DAB1: variants seen among roughly 807,000 people sequenced by gnomAD.
The protein encoded by DAB1 is DAB adaptor protein 1, also known as disabled homolog 1.
In DAB1, 15 loss-of-function variants were observed where a neutral mutation model predicts 64.6. That is an observed-to-expected ratio of 0.23 (90% CI 0.16 to 0.36). DAB1 has a LOEUF of 0.36. Ranked by LOEUF, DAB1 falls within the 10% of genes least tolerant of loss-of-function variation. The pLI, the probability that DAB1 is intolerant of heterozygous loss-of-function variation, is 1.00. For missense variants in DAB1, 596 were observed against 706.7 expected, an observed-to-expected ratio of 0.84 and a Z score of 1.78; for synonymous variants, 235 against 251.9, an observed-to-expected ratio of 0.93 and a Z score of 0.64.
intron 6 of DAB1, among the ~76,000 whole-genome samples, chr1:57,702,501 T>C (rs1646918572): frequency 6.6e-6 from 1 of 152,166 alleles, no homozygotes; most frequent in Admixed American, 6.5e-5. Context: ...TAATTTCCTC[T>C]AATACTTTCC....
chr1:57,253,485 A>G (rs1168044675), intron 2 of DAB1, among the ~76,000 whole-genome samples: 2 of 152,190 alleles, frequency 1.3e-5, no homozygotes, highest in Non-Finnish European at 2.9e-5. Flanking sequence ...CAAGGGCCCA[A>G]ATCACACAGT....
chr1:58,212,291 A>G (rs570024183), intron 4 of DAB1, among the ~76,000 whole-genome samples: 4 of 152,334 alleles, frequency 2.6e-5, no homozygotes, highest in African/African-American at 9.6e-5. Context: ...TTTATTGCTC[A>G]TTTAATCCAA....
rs879915074 is a variant in DAB1 at position 57,864,019 on chromosome 1, C to T, written n.87+19980G>A. Among the ~76,000 whole-genome samples the T allele has an allele frequency of 3.9e-5, 6 of 152,244 alleles. No individual in the cohort carries two copies. In the East Asian group the frequency reaches 9.7e-4, roughly 25 times the overall value. On this transcript the variant is annotated intron_variant and non_coding_transcript_variant, in intron 1 of 1. Transcript: ENST00000477280. ...CCCATTCTAGTGGAATGAGATAGGA[C>T]ATTAATACATACATGAAAACTCTAT...
intron 10 of DAB1, among the ~76,000 whole-genome samples, chr1:57,024,694 G>A (rs564361890): frequency 2.0e-5 from 3 of 152,304 alleles, no homozygotes; most frequent in East Asian, 1.9e-4. Context: ...GACCTTGGGT[G>A]AGTCACATGT....
intron 4 of DAB1, among the ~76,000 whole-genome samples, chr1:58,159,183 T>C (rs1374661565): frequency 6.6e-6 from 1 of 152,164 alleles, no homozygotes; most frequent in Admixed American, 6.6e-5. Context: ...GCCTTATTTA[T>C]GAAAGGAAAA....
At chr1:57,760,541 TC>T (rs1439873582) in intron 6 of DAB1, among the ~76,000 whole-genome samples, 3 of 151,720 alleles carry the variant, frequency 2.0e-5, no homozygotes, top group Non-Finnish European at 2.9e-5. Flanking sequence ...TCCTCTTTTC[TC>T]CCTGCCCTCT....
intron 7 of DAB1, among the ~76,000 whole-genome samples, chr1:57,433,863 A>C (rs1024090639): frequency 6.6e-6 from 1 of 151,764 alleles, no homozygotes; most frequent in Non-Finnish European, 1.5e-5. Context: ...AAAAAAAAAA[A>C]ACAAAAAAAC....
chr1:57,418,987 AT>A (rs1449018854), intron 1 of DAB1, among the ~76,000 whole-genome samples: 4 of 152,100 alleles, frequency 2.6e-5, no homozygotes, highest in Non-Finnish European at 5.9e-5. Context: ...AGTTGTTTTC[AT>A]TTTTTTACAT....
rs1491073377 is a variant in DAB1, at chr1:58,148,784, C to CCA, written n.387+1725_387+1726dup. On this transcript the variant is annotated intron_variant and non_coding_transcript_variant, in intron 5 of 20. Coordinates refer to the DAB1 transcript ENST00000485760. ...GCAGCACAGAAATCACACCCCCCCC[C>CCA]CAACCTCATGATTCAATTACTTCCC... 1.6e-3 allele frequency among the ~76,000 whole-genome samples: 238 copies of CCA among 152,130 alleles called. 1 individual carries two copies. The highest frequency in any genetic ancestry group is 3.7e-3 in the African/African-American group (155 of 41,500).
intron 2 of DAB1, among the ~76,000 whole-genome samples, chr1:57,169,989 T>C (rs1034674014): frequency 7.0e-6 from 1 of 143,408 alleles, no homozygotes; most frequent in Non-Finnish European, 1.5e-5. Context: ...TTTCTTTTTC[T>C]TTCTTTCTTT....
rs1005422179 is a variant in DAB1 at position 57,156,738 on chromosome 1, T to G, written c.68-11309A>C. Among the ~76,000 whole-genome samples the G allele has an allele frequency of 2.0e-5, 3 of 152,224 alleles. No homozygotes were observed. The East Asian group carries it at 5.8e-4, about 29-fold the overall frequency. ...TTAATATTGGCTTTGCTTTATGCCATTAGAGAAGAGCATTTCTCAACCTCA... is the reference window on the plus strand; with the variant it reads ...TTAATATTGGCTTTGCTTTATGCCAGTAGAGAAGAGCATTTCTCAACCTCA... On this transcript the variant is annotated intron_variant, in intron 2 of 14. Coordinates refer to ENST00000371236, the MANE Select transcript of DAB1 (RefSeq NM_001365792.1).
intron 7 of DAB1, among the ~76,000 whole-genome samples, chr1:57,582,108 C>CTCAATGACCTCA (rs1553196834): frequency 6.6e-6 from 1 of 152,148 alleles, no homozygotes; most frequent in African/African-American, 2.4e-5. Flanking sequence ...GGACTCTACC[C>CTCAATGACCTCA]TCAATGACCT....
intron 2 of DAB1, among the ~76,000 whole-genome samples, chr1:57,218,501 G>A (rs1666595167): frequency 1.7e-5 from 2 of 118,234 alleles, no homozygotes; most frequent in Non-Finnish European, 3.2e-5. Context: ...GCAACATAGT[G>A]AGACCCCCAT....
chr1:58,376,051 T>C (rs201779927), intron 3 of DAB1, among the ~76,000 whole-genome samples: 6 of 151,692 alleles, frequency 4.0e-5, no homozygotes, highest in South Asian at 2.1e-4. Context: ...TTTTTTATTG[T>C]GTCTATTTGA....
intron 2 of DAB1, among the ~76,000 whole-genome samples, chr1:57,231,336 T>C (rs1277861557): frequency 6.6e-6 from 1 of 152,206 alleles, no homozygotes; most frequent in Non-Finnish European, 1.5e-5. Flanking sequence ...ATATTTCTAA[T>C]ACAGATATAA....
chr1:58,294,265 G>C (rs916063778), intron 4 of DAB1, among the ~76,000 whole-genome samples: 2 of 152,052 alleles, frequency 1.3e-5, no homozygotes, highest in African/African-American at 2.4e-5. Context: ...GAGGGAATTT[G>C]AATTTTTGGA....
intron 6 of DAB1, among the ~76,000 whole-genome samples, chr1:57,749,079 G>A (rs1648427812): frequency 6.6e-6 from 1 of 152,144 alleles, no homozygotes; most frequent in African/African-American, 2.4e-5. Context: ...GTCTTGTTAT[G>A]GACTGAATAT....
intron 7 of DAB1, among the ~76,000 whole-genome samples, chr1:57,520,244 G>A (rs1644509397): frequency 6.6e-6 from 1 of 151,972 alleles, no homozygotes; most frequent in South Asian, 2.1e-4. Context: ...TCCTTTCTTT[G>A]TAACTTTGAA....
At chr1:57,284,181 T>C (rs1245315796) in intron 2 of DAB1, among the ~76,000 whole-genome samples, 1 of 152,094 alleles carries the variant, frequency 6.6e-6, no homozygotes, top group Non-Finnish European at 1.5e-5. Context: ...TGAACAGTAA[T>C]AGGTTGGGAA....
Sources: gnomAD v4.1 joint callset for allele counts (sites outside exome capture counted in the v4.1 genomes callset) on GRCh38, gnomAD v4.1.1 for gene constraint, MANE v1.5 for transcripts, NCBI Gene and HGNC (gene_info 2026-07-23, HGNC 2026-07-21) for gene names.